GRIP1: variants seen among roughly 807,000 people sequenced by gnomAD.
GRIP1 encodes the protein glutamate receptor interacting protein 1, also known as glutamate receptor-interacting protein 1.
A neutral mutation model predicts 129.9 loss-of-function variants in GRIP1; 45 were observed. The ratio of observed to expected loss-of-function variants is 0.35; its 90% CI spans 0.27 to 0.44. GRIP1 has a LOEUF of 0.44. GRIP1 is among the 20% of genes least tolerant of loss of function. The probability of loss-of-function intolerance (pLI) is 1.00; values close to 1 mark genes in which losing one functional copy is unlikely to be tolerated. For synonymous variants in GRIP1, 530 were observed against 520.8 expected (o/e 1.02, Z -0.24); for missense variants, 1,196 against 1,396.8 (o/e 0.86, Z 2.29).
At chr12:66,998,083 C>G (rs2042496450) in intron 1 of GRIP1, among the ~76,000 whole-genome samples, 2 of 152,108 alleles carry the variant, frequency 1.3e-5, no homozygotes, top group Admixed American at 1.3e-4. Context: ...ATGTCTATAA[C>G]TGTGATGTCC....
At chr12:66,457,918 G>A (rs889928035) in intron 9 of GRIP1, among the ~76,000 whole-genome samples, 1 of 152,176 alleles carries the variant, frequency 6.6e-6, no homozygotes, top group Non-Finnish European at 1.5e-5. Context: ...ACCTCACAGG[G>A]ATATTGAGAA....
intron 2 of GRIP1, among the ~76,000 whole-genome samples, chr12:66,559,490 T>C (rs2062445341): frequency 6.6e-6 from 1 of 152,092 alleles, no homozygotes; most frequent in South Asian, 2.1e-4. Context: ...AATTGCAGAA[T>C]ACAAAATCAA....
chr12:66,496,716 A>G (rs1476519267), intron 7 of GRIP1, among the ~76,000 whole-genome samples: 1 of 152,164 alleles, frequency 6.6e-6, no homozygotes, highest in African/African-American at 2.4e-5. Context: ...GGTATGGGCC[A>G]ATGAATGGCC....
At chr12:66,870,860 C>T (rs2040284253) in intron 1 of GRIP1, among the ~76,000 whole-genome samples, 1 of 152,108 alleles carries the variant, frequency 6.6e-6, no homozygotes, top group Admixed American at 6.6e-5. Context: ...TTTGGTCTCC[C>T]TGCCACATTG....
At chr12:66,373,236 T>A (rs1004469422) in intron 22 of GRIP1, among the ~76,000 whole-genome samples, 2 of 152,122 alleles carry the variant, frequency 1.3e-5, no homozygotes, top group Middle Eastern at 3.2e-3. Flanking sequence ...ACTACAGGCA[T>A]GCGCCACCAT....
At chr12:67,011,635 C>A (rs1313084444) in intron 1 of GRIP1, among the ~76,000 whole-genome samples, 1 of 151,718 alleles carries the variant, frequency 6.6e-6, no homozygotes, top group South Asian at 2.1e-4. Flanking sequence ...TCCTTCAGGG[C>A]CCAACTTAAA....
At position 66,776,575 on chromosome 12, in the gene GRIP1, G is replaced by T. The variant is rs74711627; in HGVS notation, c.-420+27478C>A. On this transcript the variant is annotated intron_variant, in intron 1 of 4. Transcript: ENST00000538373. ...AAGAGGTTAGCCCTGCTCTCAAGAA[G>T]CTTATAATAAAGAGTGGAACACAAG... Among the ~76,000 whole-genome samples the T allele has an allele frequency of 2.8e-3, 426 of 152,312 alleles. 8 individuals carry two copies. The East Asian group carries it at 0.057, about 20-fold the overall frequency.
At chr12:66,977,801 C>T (rs565501989) in intron 1 of GRIP1, among the ~76,000 whole-genome samples, 1 of 132,764 alleles carries the variant, frequency 7.5e-6, no homozygotes, top group Non-Finnish European at 1.6e-5. Context: ...AGTTCTAGAG[C>T]TGAGCATTTT....
intron 1 of GRIP1, among the ~76,000 whole-genome samples, chr12:67,019,168 G>A (rs1336175790): frequency 6.6e-6 from 1 of 152,136 alleles, no homozygotes; most frequent in Admixed American, 6.6e-5. Context: ...AGGCGCAAAA[G>A]GCAAACTTCC....
At chr12:66,809,362 AAC>A (rs1425841390) in intron 1 of GRIP1, among the ~76,000 whole-genome samples, 1 of 152,234 alleles carries the variant, frequency 6.6e-6, no homozygotes, top group African/African-American at 2.4e-5. Flanking sequence ...AACAGTATGA[AAC>A]ACACAGTCTA....
At chr12:66,800,102 T>C (rs1018365116) in intron 1 of GRIP1, among the ~76,000 whole-genome samples, 4 of 152,192 alleles carry the variant, frequency 2.6e-5, no homozygotes, top group African/African-American at 7.2e-5. Context: ...TGAATATCTA[T>C]TAGAATAGGC....
At chr12:66,550,216 C>T (rs971168036) in intron 2 of GRIP1, among the ~76,000 whole-genome samples, 3 of 152,078 alleles carry the variant, frequency 2.0e-5, no homozygotes, top group African/African-American at 7.2e-5. Flanking sequence ...TCTTAGTTTC[C>T]TCACATCTAA....
At chr12:66,584,435 T>A (rs2063533345) in intron 2 of GRIP1, among the ~76,000 whole-genome samples, 1 of 151,928 alleles carries the variant, frequency 6.6e-6, no homozygotes, top group African/African-American at 2.4e-5. Context: ...TAGCCAGGCG[T>A]GGTGGCACAT....
At chr12:67,032,679 C>G (rs1209955541) in intron 1 of GRIP1, among the ~76,000 whole-genome samples, 1 of 152,088 alleles carries the variant, frequency 6.6e-6, no homozygotes, top group African/African-American at 2.4e-5. Flanking sequence ...GTTGCGACAA[C>G]CAAAAATGTC....
intron 5 of GRIP1, among the ~76,000 whole-genome samples, chr12:66,525,519 T>C (rs1323730369): frequency 6.9e-6 from 1 of 145,230 alleles, no homozygotes; most frequent in Admixed American, 6.6e-5. Context: ...TAGGTATTGA[T>C]GGGACATATC....
chr12:66,862,755 A>C (rs2137121987), intron 1 of GRIP1, among the ~76,000 whole-genome samples: 1 of 152,110 alleles, frequency 6.6e-6, no homozygotes, highest in African/African-American at 2.4e-5. Flanking sequence ...CCCATCTATA[A>C]ATTTCCATGC....
chr12:66,837,890 G>T (rs1389149791), intron 1 of GRIP1, among the ~76,000 whole-genome samples: 1 of 152,052 alleles, frequency 6.6e-6, no homozygotes, highest in East Asian at 1.9e-4. Flanking sequence ...TTTCAGAATG[G>T]TGGTTAAAAA....
intron 1 of GRIP1, among the ~76,000 whole-genome samples, chr12:66,777,011 T>C (rs1354401060): frequency 6.6e-6 from 1 of 152,188 alleles, no homozygotes; most frequent in Non-Finnish European, 1.5e-5. Context: ...GTAGTTCTGA[T>C]AAAAACAGGT....
intron 7 of GRIP1, among the ~76,000 whole-genome samples, chr12:66,499,986 G>A (rs1023424691): frequency 5.3e-5 from 8 of 152,116 alleles, no homozygotes; most frequent in Admixed American, 2.6e-4. Context: ...CTGGGCGACA[G>A]AGCCAAGATC....
Sources: allele counts gnomAD v4.1 joint callset (sites outside exome capture counted in the v4.1 genomes callset), GRCh38; gene constraint gnomAD v4.1.1; transcripts MANE v1.5; gene names NCBI Gene and HGNC (gene_info 2026-07-23, HGNC 2026-07-21).